RBFOX1: variants seen among roughly 807,000 people sequenced by gnomAD.
RBFOX1 encodes the protein RNA binding protein fox-1 homolog 1.
RBFOX1 carries 8 observed loss-of-function variants against 57.7 expected under a neutral mutation model. The observed-to-expected ratio is 0.14, with a 90% CI of 0.08 to 0.25. The LOEUF is 0.25. Ranked by LOEUF, RBFOX1 falls within the 10% of genes least tolerant of loss-of-function variation. The probability of loss-of-function intolerance (pLI) is 1.00; values close to 1 mark genes in which losing one functional copy is unlikely to be tolerated. For missense variants in RBFOX1, 611 were observed against 548.5 expected, an observed-to-expected ratio of 1.11 and a Z score of -1.14; for synonymous variants, 326 against 222.4, an observed-to-expected ratio of 1.47 and a Z score of -4.15.
intron 4 of RBFOX1, among the ~76,000 whole-genome samples, chr16:7,325,027 A>G (rs1412288561): frequency 2.0e-5 from 3 of 152,208 alleles, no homozygotes; most frequent in African/African-American, 7.2e-5. Context: ...CTCTTCAACA[A>G]GAAGGCACTT....
At chr16:5,652,279 C>T (rs148289262) in intron 3 of RBFOX1, among the ~76,000 whole-genome samples, 1 of 152,178 alleles carries the variant, frequency 6.6e-6, no homozygotes, top group Admixed American at 6.5e-5. Context: ...TATAGGGTAG[C>T]TGCTATCATC....
chr16:6,782,163 C>T (rs763834618), intron 3 of RBFOX1, among the ~76,000 whole-genome samples: 1 of 152,120 alleles, frequency 6.6e-6, no homozygotes, highest in Non-Finnish European at 1.5e-5. Context: ...TGCACCACCA[C>T]ACCCAGCTAA....
At chr16:6,383,945 GA>G (rs886794756) in intron 2 of RBFOX1, among the ~76,000 whole-genome samples, 62 of 151,052 alleles carry the variant, frequency 4.1e-4, no homozygotes, top group African/African-American at 1.3e-3. Context: ...ATTTTAAGGG[GA>G]AAAAAAAGAG....
At chr16:7,409,410 T>C (rs1443615513) in intron 4 of RBFOX1, among the ~76,000 whole-genome samples, 3 of 152,236 alleles carry the variant, frequency 2.0e-5, no homozygotes, top group African/African-American at 7.2e-5. Flanking sequence ...CAAGTATTTA[T>C]TTTTAGTGGT....
chr16:7,475,149 G>A (rs1599374722), intron 4 of RBFOX1, among the ~76,000 whole-genome samples: 2 of 152,178 alleles, frequency 1.3e-5, no homozygotes, highest in African/African-American at 2.4e-5. Flanking sequence ...TGTCTTTCAC[G>A]TGGAGACATC....
chr16:5,441,142 A>G (rs1386481661), intron 1 of RBFOX1, among the ~76,000 whole-genome samples: 2 of 152,128 alleles, frequency 1.3e-5, no homozygotes, highest in African/African-American at 2.4e-5. Flanking sequence ...CTGCAAGAAA[A>G]TTGGGTAGTG....
intron 4 of RBFOX1, among the ~76,000 whole-genome samples, chr16:7,399,277 A>C (rs2098196088): frequency 6.8e-6 from 1 of 146,804 alleles, no homozygotes; most frequent in South Asian, 2.1e-4. Context: ...GAGAAACCCC[A>C]TCTCTACTAA....
At chr16:6,928,809 G>A (rs756934242) in intron 3 of RBFOX1, among the ~76,000 whole-genome samples, 8 of 152,186 alleles carry the variant, frequency 5.3e-5, no homozygotes, top group East Asian at 1.9e-4. Context: ...TATGCACACA[G>A]AAAAAGAACA....
chr16:5,606,678 A>G (rs1187960030), intron 3 of RBFOX1, among the ~76,000 whole-genome samples: 1 of 151,948 alleles, frequency 6.6e-6, no homozygotes, highest in Non-Finnish European at 1.5e-5. Context: ...GCACAATCTG[A>G]TTGCTTTGTA....
At position 6,193,397 on chromosome 16, in the gene RBFOX1, TATATATATATA is replaced by T. The variant is rs2097157657; in HGVS notation, c.-126-123597_-126-123587del. ...ATATACATTATATATATATACTATATATATATATATATATATATATATATATATAAAATTCA... is the reference window on the plus strand; with the variant it reads ...ATATACATTATATATATATACTATATTATATATATATATATATAAAATTCA... On this transcript the variant is annotated intron_variant, in intron 1 of 15. Coordinates refer to ENST00000550418, the MANE Select transcript of RBFOX1 (RefSeq NM_018723.4). Among the ~76,000 whole-genome samples, 3 of 29,384 alleles carry T rather than the reference TATATATATATA, an allele frequency of 1.0e-4. No homozygotes were observed. In the South Asian group the frequency reaches 3.7e-3, roughly 36 times the overall value. 19.3% of individuals were successfully genotyped at this position (29,384 alleles called of 152,430 possible). A position where few individuals can be genotyped will look rare whatever the true frequency, so the allele number is the denominator to read the frequency against.
At chr16:5,678,300 G>T (rs1330364145) in intron 3 of RBFOX1, among the ~76,000 whole-genome samples, 1 of 152,178 alleles carries the variant, frequency 6.6e-6, no homozygotes, top group Non-Finnish European at 1.5e-5. Flanking sequence ...CTGTTCTGTG[G>T]TGTCATCTGG....
At chr16:7,365,505 C>T (rs1008086281) in intron 4 of RBFOX1, among the ~76,000 whole-genome samples, 1 of 152,204 alleles carries the variant, frequency 6.6e-6, no homozygotes, top group Non-Finnish European at 1.5e-5. Context: ...CCACAGGGAA[C>T]ATTCGGAAAT....
downstream of RBFOX1, among the ~76,000 whole-genome samples, chr16:5,604,016 T>G (rs2047467846): frequency 6.6e-6 from 1 of 152,070 alleles, no homozygotes; most frequent in South Asian, 2.1e-4. Flanking sequence ...TAATCAATGG[T>G]GCCATTCCCC....
chr16:5,487,314 G>C (rs1464016937), intron 2 of RBFOX1, among the ~76,000 whole-genome samples: 6 of 152,224 alleles, frequency 3.9e-5, no homozygotes, highest in African/African-American at 1.4e-4. Context: ...CACAGGGTCT[G>C]TGATGGAGCA....
intron 1 of RBFOX1, among the ~76,000 whole-genome samples, chr16:6,155,280 CA>C (rs1239487767): frequency 6.6e-6 from 1 of 152,158 alleles, no homozygotes; most frequent in Non-Finnish European, 1.5e-5. Context: ...ATGGTGATTT[CA>C]TAATAAAACA....
intron 1 of RBFOX1, among the ~76,000 whole-genome samples, chr16:6,145,368 G>T (rs2096749955): frequency 1.3e-5 from 2 of 151,272 alleles, no homozygotes; most frequent in African/African-American, 2.4e-5. Flanking sequence ...ACACAATCTT[G>T]TTTTTTTTAA....
At chr16:6,760,839 C>A (rs545741968) in intron 3 of RBFOX1, among the ~76,000 whole-genome samples, 1 of 152,202 alleles carries the variant, frequency 6.6e-6, no homozygotes, top group South Asian at 2.1e-4. Context: ...AGTGTGTGGC[C>A]CCAGGGAGTG....
intron 2 of RBFOX1, among the ~76,000 whole-genome samples, chr16:5,555,677 G>T (rs966382921): frequency 6.6e-6 from 1 of 152,090 alleles, no homozygotes; most frequent in Non-Finnish European, 1.5e-5. Context: ...TGAGGATTGA[G>T]GGCAGAGACG....
At chr16:5,733,805 T>C (rs1290072842) in intron 3 of RBFOX1, among the ~76,000 whole-genome samples, 1 of 151,982 alleles carries the variant, frequency 6.6e-6, no homozygotes, top group Admixed American at 6.6e-5. Flanking sequence ...CCTTCTCACC[T>C]TTCCTTCCCA....
Sources: gnomAD v4.1 joint callset for allele counts (sites outside exome capture counted in the v4.1 genomes callset) on GRCh38, gnomAD v4.1.1 for gene constraint, MANE v1.5 for transcripts, NCBI Gene and HGNC (gene_info 2026-07-23, HGNC 2026-07-21) for gene names.